The following RFTN2 variants were observed in gnomAD, a reference collection of about 807,000 sequenced individuals.
RFTN2 encodes raftlin family member 2, also known as raftlin-2.
A neutral mutation model predicts 52.7 loss-of-function variants in RFTN2; 34 were observed. That is an observed-to-expected ratio of 0.64 (90% CI 0.49 to 0.86). RFTN2 has a LOEUF of 0.86. Ranked by LOEUF, RFTN2 falls within the 40% of genes least tolerant of loss-of-function variation. RFTN2 has a pLI of 0.00. For missense variants in RFTN2, 536 were observed against 600.1 expected, an observed-to-expected ratio of 0.89 and a Z score of 1.12; for synonymous variants, 203 against 217.7, an observed-to-expected ratio of 0.93 and a Z score of 0.59.
At chr2:197,663,514 G>A (rs2089007497) in intron 1 of RFTN2, among the ~76,000 whole-genome samples, 1 of 152,138 alleles carries the variant, frequency 6.6e-6, no homozygotes, top group East Asian at 1.9e-4. Context: ...ATTCATTACT[G>A]ATCTGTTAAG....
intron 1 of RFTN2, among the ~76,000 whole-genome samples, chr2:197,672,770 T>C (rs903052533): frequency 6.6e-6 from 1 of 152,154 alleles, no homozygotes; most frequent in East Asian, 1.9e-4. Flanking sequence ...TCCAGAGTTT[T>C]GTATGCTTCA....
chr2:197,658,039 TAA>T, intron 1 of RFTN2, among the ~76,000 whole-genome samples: 1 of 152,238 alleles, frequency 6.6e-6, no homozygotes, highest in East Asian at 1.9e-4. Flanking sequence ...CCAGAGTGAA[TAA>T]TTATGTTTCC....
chr2:197,672,848 G>A (rs2089165290), intron 1 of RFTN2, among the ~76,000 whole-genome samples: 1 of 152,138 alleles, frequency 6.6e-6, no homozygotes, highest in Non-Finnish European at 1.5e-5. Flanking sequence ...AAAAAGAAAA[G>A]TGTGGGGAAG....
Position 197,568,952 on chromosome 2 carries a change from T to A in RFTN2, c.*3056A>T, listed in dbSNP as rs1195984252. 6.6e-6 allele frequency: 1 copy of A among 152,162 alleles called. No homozygotes were observed. The highest frequency in any genetic ancestry group is 1.5e-5 in the Non-Finnish European group (1 of 68,048). 9.4% of individuals were successfully genotyped at this position (152,162 alleles called of 1,614,324 possible). On this transcript the variant is annotated 3_prime_UTR_variant, in exon 9 of 9. Transcript: ENST00000295049. ...GTGATTTGAATAGACTGTAGCTCTG[T>A]CTCCTGCTTCTCCTCCTCCTGAAAG...
intron 1 of RFTN2, among the ~76,000 whole-genome samples, chr2:197,650,310 C>A (rs2088809139): frequency 6.6e-6 from 1 of 152,056 alleles, no homozygotes; most frequent in Admixed American, 6.6e-5. Context: ...AACCATCATT[C>A]CACTTTCTTT....
At position 197,604,042 on chromosome 2, in the gene RFTN2, C is replaced by T. The variant is rs140304655; in HGVS notation, c.1155-7973G>A. Reference sequence around the variant, plus strand: ...ATAAACATATGTAAATGTGCTCAATCTCAGCAAGTAATTAGGAAACTACAA... The same window carrying T: ...ATAAACATATGTAAATGTGCTCAATTTCAGCAAGTAATTAGGAAACTACAA... On this transcript the variant is annotated intron_variant, in intron 7 of 8. Transcript: ENST00000295049. Among the ~76,000 whole-genome samples the T allele has an allele frequency of 5.5e-3, 837 of 152,248 alleles. 7 individuals are homozygous for T. Among genetic ancestry groups the T allele is most frequent in the Middle Eastern group, 0.041 (12 of 294 alleles).
At chr2:197,609,813 T>A (rs890580871) in intron 7 of RFTN2, among the ~76,000 whole-genome samples, 2 of 152,216 alleles carry the variant, frequency 1.3e-5, no homozygotes, top group Admixed American at 1.3e-4. Context: ...AGGGAAGGGA[T>A]CCAGTTTCAG....
chr2:197,671,495 G>A (rs2089146796), intron 1 of RFTN2, among the ~76,000 whole-genome samples: 2 of 152,094 alleles, frequency 1.3e-5, no homozygotes, highest in Admixed American at 6.5e-5. Flanking sequence ...TCCAAACATC[G>A]TGCTGGACAC....
chr2:197,604,050 G>A (rs1401805584), intron 7 of RFTN2, among the ~76,000 whole-genome samples: 5 of 152,162 alleles, frequency 3.3e-5, no homozygotes, highest in African/African-American at 4.8e-5. Flanking sequence ...ATCTCAGCAA[G>A]TAATTAGGAA....
intron 8 of RFTN2, among the ~76,000 whole-genome samples, chr2:197,579,905 G>T (rs1283181252): frequency 2.0e-5 from 3 of 152,062 alleles, no homozygotes; most frequent in Non-Finnish European, 2.9e-5. Flanking sequence ...TCCACGACTA[G>T]CTCTCCCCTA....
intron 2 of RFTN2, among the ~76,000 whole-genome samples, chr2:197,645,051 C>T (rs928060095): frequency 1.3e-5 from 2 of 152,032 alleles, no homozygotes; most frequent in African/African-American, 4.8e-5. Context: ...GTTGTTGATC[C>T]ATCACTGTAA....
intron 2 of RFTN2, among the ~76,000 whole-genome samples, chr2:197,645,486 T>C (rs2088734622): frequency 6.6e-6 from 1 of 152,238 alleles, no homozygotes; most frequent in Admixed American, 6.5e-5. Flanking sequence ...ATTTAATGTG[T>C]TAATCTAAGA....
At chr2:197,646,293 C>A (rs541685963) in intron 2 of RFTN2, among the ~76,000 whole-genome samples, 190 bp downstream of exon 2, 3 of 152,304 alleles carry the variant, frequency 2.0e-5, no homozygotes, top group African/African-American at 7.2e-5. Context: ...AAGCAAAAAT[C>A]AATCAGGAGT....
intron 7 of RFTN2, among the ~76,000 whole-genome samples, chr2:197,611,300 G>A (rs2088056190): frequency 1.3e-5 from 2 of 152,144 alleles, no homozygotes; most frequent in South Asian, 4.1e-4. Context: ...ACCTGTTAGT[G>A]GTCTAGTCAG....
At chr2:197,591,438 T>A (rs2087710944) in intron 8 of RFTN2, among the ~76,000 whole-genome samples, 1 of 152,178 alleles carries the variant, frequency 6.6e-6, no homozygotes, top group African/African-American at 2.4e-5. Context: ...ATCCCTTAGC[T>A]AGACATAAAG....
At chr2:197,674,574 T>C (rs998603370) in intron 1 of RFTN2, among the ~76,000 whole-genome samples, 4 of 152,246 alleles carry the variant, frequency 2.6e-5, no homozygotes, top group Admixed American at 2.6e-4. Context: ...ATTAAAGATA[T>C]AGCTTTTTTA....
At chr2:197,646,917 A>AG (rs1203717504) in intron 1 of RFTN2, among the ~76,000 whole-genome samples, 1 of 151,068 alleles carries the variant, frequency 6.6e-6, no homozygotes, top group East Asian at 1.9e-4. Context: ...AAAAAAAAAA[A>AG]AAACTCCAAT....
chr2:197,634,950 T>G (rs1411643278), intron 3 of RFTN2, among the ~76,000 whole-genome samples: 2 of 134,622 alleles, frequency 1.5e-5, no homozygotes, highest in Admixed American at 1.6e-4. Context: ...TGTGATCTCA[T>G]TGTTCAATTC....
intron 3 of RFTN2, among the ~76,000 whole-genome samples, chr2:197,634,634 AGC>A (rs1340295740): frequency 6.6e-6 from 1 of 152,056 alleles, no homozygotes; most frequent in Non-Finnish European, 1.5e-5. Flanking sequence ...AGGATTCTGA[AGC>A]ACATGATATA....
Sources: gnomAD v4.1 joint callset for allele counts (sites outside exome capture counted in the v4.1 genomes callset) on GRCh38, gnomAD v4.1.1 for gene constraint, MANE v1.5 for transcripts, NCBI Gene and HGNC (gene_info 2026-07-23, HGNC 2026-07-21) for gene names.